The following NRXN1 variants were observed in gnomAD, a reference collection of about 807,000 sequenced individuals.
The protein encoded by NRXN1 is neurexin 1.
NRXN1 carries 39 observed loss-of-function variants against 150.9 expected under a neutral mutation model. The observed-to-expected ratio is 0.26, with a 90% confidence interval of 0.20 to 0.34. The LOEUF (loss-of-function observed/expected upper bound fraction) is 0.34. NRXN1 is among the 10% of genes least tolerant of loss of function. The pLI, the probability that NRXN1 is intolerant of heterozygous loss-of-function variation, is 1.00. For synonymous variants in NRXN1, 924 were observed against 757.0 expected (o/e 1.22, Z -3.62); for missense variants, 1,815 against 1,949.9 (o/e 0.93, Z 1.30).
At chr2:50,642,414 C>A (rs1005916597) in intron 5 of NRXN1, among the ~76,000 whole-genome samples, 6 of 151,896 alleles carry the variant, frequency 4.0e-5, no homozygotes, top group African/African-American at 1.4e-4. Context: ...AGGAAAAGAT[C>A]CTCCAGAGTA....
intron 15 of NRXN1, among the ~76,000 whole-genome samples, chr2:50,490,199 C>CCTCG (rs1367500885): frequency 2.0e-5 from 3 of 152,282 alleles, no homozygotes; most frequent in Non-Finnish European, 4.4e-5. Context: ...TTTCCCTGAA[C>CCTCG]CTCGGCTCAT....
chr2:50,200,086 A>G (rs1340796550), intron 18 of NRXN1, among the ~76,000 whole-genome samples: 1 of 152,106 alleles, frequency 6.6e-6, no homozygotes, highest in Non-Finnish European at 1.5e-5. Context: ...TTATTACTTT[A>G]TAGTTTATGA....
intron 2 of NRXN1, among the ~76,000 whole-genome samples, chr2:50,994,459 C>T (rs1056677384): frequency 5.9e-5 from 9 of 151,986 alleles, no homozygotes; most frequent in Non-Finnish European, 1.0e-4. Context: ...TATATTATCA[C>T]GACTTTTGTT....
At chr2:50,494,930 C>T (rs2091472475) in intron 15 of NRXN1, among the ~76,000 whole-genome samples, 1 of 151,098 alleles carries the variant, frequency 6.6e-6, no homozygotes, top group Non-Finnish European at 1.5e-5. Flanking sequence ...ACTTGGGAGG[C>T]TGAGGCAGGA....
intron 18 of NRXN1, among the ~76,000 whole-genome samples, chr2:50,107,631 T>G (rs1043132437): frequency 4.0e-5 from 6 of 150,608 alleles, no homozygotes; most frequent in African/African-American, 1.5e-4. Flanking sequence ...CCTGGTTATA[T>G]TCACACATTG....
chr2:50,923,503 T>C (rs1427330466), intron 3 of NRXN1: 1 of 225,914 alleles, frequency 4.4e-6, no homozygotes, highest in Non-Finnish European at 9.6e-6. Flanking sequence ...TATTATTTCC[T>C]GCTTGACAAT....
chr2:50,063,860 T>C (rs561496411), intron 19 of NRXN1, among the ~76,000 whole-genome samples: 1 of 152,280 alleles, frequency 6.6e-6, no homozygotes, highest in South Asian at 2.1e-4. Flanking sequence ...GAGCACATGG[T>C]AATTGCTTGT....
At position 50,188,359 on chromosome 2, in the gene NRXN1, T is replaced by C. The variant is rs369917342; in HGVS notation, c.3546+48430A>G. On this transcript the variant is annotated intron_variant, in intron 18 of 22. Transcript: ENST00000401669. ...AACTGGATCCCTTCCTTATACCTTATACAAAAATTAACTCAAGATGGATTA... is the reference window on the plus strand; with the variant it reads ...AACTGGATCCCTTCCTTATACCTTACACAAAAATTAACTCAAGATGGATTA... Among the ~76,000 whole-genome samples the C allele has an allele frequency of 5.2e-3, 787 of 152,162 alleles. 11 individuals are homozygous for C. Among genetic ancestry groups the C allele is most frequent in the African/African-American group, 0.018 (747 of 41,522 alleles).
At chr2:50,797,687 A>C (rs971926463) in intron 5 of NRXN1, among the ~76,000 whole-genome samples, 1 of 152,188 alleles carries the variant, frequency 6.6e-6, no homozygotes, top group Non-Finnish European at 1.5e-5. Context: ...CAATCTCTGG[A>C]AAGGACCGAA....
intron 5 of NRXN1, among the ~76,000 whole-genome samples, chr2:50,862,307 C>G (rs1471707792): frequency 2.6e-5 from 4 of 151,862 alleles, no homozygotes; most frequent in Non-Finnish European, 5.9e-5. Context: ...TCAGTGGTAT[C>G]ATAAATTTAT....
At chr2:50,393,372 G>A (rs1384835429) in intron 17 of NRXN1, among the ~76,000 whole-genome samples, 1 of 152,000 alleles carries the variant, frequency 6.6e-6, no homozygotes, top group African/African-American at 2.4e-5. Context: ...TCTGCTTGCT[G>A]AAATTTGAGT....
chr2:50,296,518 C>CTATTAGTAGTATTATTATTATTAT (rs60974449), intron 17 of NRXN1, among the ~76,000 whole-genome samples: 6 of 148,016 alleles, frequency 4.1e-5, no homozygotes, highest in Admixed American at 6.8e-5. Flanking sequence ...TGCTTAGCTT[C>CTATTAGTAGTATTATTATTATTAT]TATTATTATT....
chr2:50,460,649 T>C (rs1161968383), intron 17 of NRXN1, among the ~76,000 whole-genome samples: 1 of 152,082 alleles, frequency 6.6e-6, no homozygotes, highest in Non-Finnish European at 1.5e-5. Context: ...CTATGACATA[T>C]TACATTTCTC....
At chr2:50,240,991 G>T (rs1428494021) in intron 17 of NRXN1, among the ~76,000 whole-genome samples, 1 of 151,524 alleles carries the variant, frequency 6.6e-6, no homozygotes, top group Non-Finnish European at 1.5e-5. Flanking sequence ...TCCAAATCAA[G>T]TGACTTTCAA....
rs542070154 is a variant in NRXN1, at chr2:51,012,028, A to G, written c.772+15474T>C. Among the ~76,000 whole-genome samples, 34 of 152,134 alleles carry G rather than the reference A, an allele frequency of 2.2e-4. No individual in the cohort carries two copies. In the South Asian group the frequency reaches 7.0e-3, roughly 32 times the overall value. On this transcript the variant is annotated intron_variant, in intron 2 of 22. Transcript: ENST00000401669. Reference sequence around the variant, plus strand: ...CACACTGGATATTCATCTCTGTGGCAGCATTTATTGCATTGTAATGAAATC... The same window carrying G: ...CACACTGGATATTCATCTCTGTGGCGGCATTTATTGCATTGTAATGAAATC...
chr2:51,026,183 C>T (rs1466067767), intron 2 of NRXN1, among the ~76,000 whole-genome samples: 1 of 152,070 alleles, frequency 6.6e-6, no homozygotes, highest in Non-Finnish European at 1.5e-5. Context: ...AAAACGCAGC[C>T]ACACAGAGCT....
chr2:50,326,606 TCA>T (rs2076399466), intron 17 of NRXN1, among the ~76,000 whole-genome samples: 1 of 152,168 alleles, frequency 6.6e-6, no homozygotes, highest in Non-Finnish European at 1.5e-5. Flanking sequence ...AACCTTATCT[TCA>T]GTTTGGTAGT....
chr2:50,380,400 T>C (rs1438182536), intron 17 of NRXN1, among the ~76,000 whole-genome samples: 1 of 152,102 alleles, frequency 6.6e-6, no homozygotes. Flanking sequence ...GGTCCTAAGG[T>C]TTTGACGCAA....
rs1004168227 is a variant in NRXN1 at position 51,028,387 on chromosome 2, G to A, written c.-114C>T. ...GAGACAGAAAGGTAAGGGGAAAGGC[G>A]GGAGTGAGAGGGATGTGCCCTCCTT... On this transcript the variant is annotated 5_prime_UTR_variant, in exon 2 of 23. Coordinates refer to ENST00000401669, the MANE Select transcript of NRXN1 (RefSeq NM_001330078.2). 4.9e-6 allele frequency: 3 copies of A among 617,226 alleles called. No homozygotes were observed. Among genetic ancestry groups the A allele is most frequent in the Admixed American group, 3.6e-5 (1 of 28,168 alleles). 38.2% of individuals were successfully genotyped at this position (617,226 alleles called of 1,614,324 possible). A position where few individuals can be genotyped will look rare whatever the true frequency, so the allele number is the denominator to read the frequency against.
Sources: allele counts gnomAD v4.1 joint callset (sites outside exome capture counted in the v4.1 genomes callset), GRCh38; gene constraint gnomAD v4.1.1; transcripts MANE v1.5; gene names NCBI Gene and HGNC (gene_info 2026-07-23, HGNC 2026-07-21).